The following RPGR variants were observed in gnomAD, a reference collection of about 807,000 sequenced individuals.
RPGR encodes retinitis pigmentosa GTPase regulator.
A neutral mutation model predicts 56.3 loss-of-function variants in RPGR; 10 were observed. The ratio of observed to expected loss-of-function variants is 0.18; its 90% confidence interval spans 0.11 to 0.30. RPGR has a LOEUF of 0.30. Among genes scored for constraint, RPGR ranks in the 10% least tolerant of loss-of-function variants. The pLI is 1.00. For missense variants in RPGR, 538 were observed against 590.9 expected (o/e 0.91, Z 0.93); for synonymous variants, 197 against 212.9 (o/e 0.93, Z 0.65).
In RPGR at chrX:38,269,966, T is replaced by C. The variant is rs571019506; in HGVS notation, c.2242-134A>G. ...TCTTTATGGGGCACCACATGTACTA[T>C]GGTGCATTCTTAGCATCTGTTAGAG... On this transcript the variant is annotated intron_variant, in intron 18 of 18. Coordinates refer to ENST00000642395, the MANE Select transcript of RPGR (RefSeq NM_000328.3). 9.9e-5 allele frequency: 48 copies of C among 485,329 alleles called. No individual in the cohort carries two copies. The South Asian group carries it at 1.5e-3, about 15-fold the overall frequency. The allele number at this position is 485,329 out of a possible 1,213,427, so 40.0% of individuals were successfully genotyped here.
At chrX:38,311,270 C>T (rs5963397) in intron 6 of RPGR, among the ~76,000 whole-genome samples, 2,268 of 112,290 alleles carry the variant, frequency 0.02, 47 homozygotes, top group African/African-American at 0.07. Context: ...GGCACTTCCT[C>T]CAAAGACTCT....
At chrX:38,304,899 C>T (rs760825018) in intron 7 of RPGR, 109 bp from the exon 8 acceptor site, 10 of 658,724 alleles carry the variant, frequency 1.5e-5, no homozygotes, top group Non-Finnish European at 2.4e-5. Flanking sequence ...GGTTAAGTGC[C>T]TCTGGGGAAA....
chrX:38,296,885 A>T (rs1318911876), intron 11 of RPGR, among the ~76,000 whole-genome samples: 1 of 111,695 alleles, frequency 9.0e-6, no homozygotes, highest in Non-Finnish European at 1.9e-5. Context: ...CTGTATTCAA[A>T]TTCTGACCAC....
chrX:38,293,332 T>C (rs1242062540), intron 11 of RPGR, among the ~76,000 whole-genome samples: 1 of 111,675 alleles, frequency 9.0e-6, no homozygotes, highest in Non-Finnish European at 1.9e-5. Flanking sequence ...ACTTTATTTA[T>C]AAAAACAGGT....
At chrX:38,312,379 T>C (rs1347686590) in intron 6 of RPGR, among the ~76,000 whole-genome samples, 2 of 111,400 alleles carry the variant, frequency 1.8e-5, no homozygotes, top group South Asian at 3.8e-4. Context: ...AATTTTCACC[T>C]GGATCAAGTT....
chrX:38,323,517 A>G lies in RPGR; in HGVS notation c.36T>C (p.Gly12=). The G allele has an allele frequency of 8.3e-7, 1 of 1,208,686 alleles. No homozygotes were observed. The highest frequency in any genetic ancestry group is 1.1e-6 in the Non-Finnish European group (1 of 893,790). Residue 12 remains glycine (G), a synonymous_variant, in exon 2 of 19, where the codon GGT becomes GGC. Transcript: ENST00000642395. ...TACTTTTCCCAAATGTAAACACAGCACCCGAATCTGCAAATATAAGACGGT... is the reference window on the plus strand; with the variant it reads ...TACTTTTCCCAAATGTAAACACAGCGCCCGAATCTGCAAATATAAGACGGT...
At position 38,298,970 on chromosome X, in the gene RPGR, G is replaced by C; in HGVS notation, c.1231C>G (p.Arg411Gly). 1 of 1,210,974 alleles carries C rather than the reference G, an allele frequency of 8.3e-7. No homozygotes were observed. The highest frequency in any genetic ancestry group is 1.1e-6 in the Non-Finnish European group (1 of 895,049). Residue 411 changes from arginine to glycine, a missense_variant, in exon 10 of 19, where the codon CGG becomes GGG. By Grantham distance (125) the Arg-to-Gly change is moderately radical. Coordinates refer to ENST00000642395, the MANE Select transcript of RPGR (RefSeq NM_000328.3). ...CACAATTGTACCCTCTCTCTTCGCC[G>C]CATACGTGCTGATAGAGTCCTCTGC... is the stretch of plus-strand genomic sequence containing the variant.
At chrX:38,279,855 A>G (rs930489417) in intron 15 of RPGR, among the ~76,000 whole-genome samples, 3 of 112,085 alleles carry the variant, frequency 2.7e-5, no homozygotes, top group African/African-American at 9.7e-5. Context: ...TTAATATAGC[A>G]TAAAACTTTG....
chrX:38,320,815 T>C (rs771850301), intron 4 of RPGR, among the ~76,000 whole-genome samples: 17 of 112,885 alleles, frequency 1.5e-4, no homozygotes, highest in Admixed American at 8.4e-4. Flanking sequence ...TGTCCCATGA[T>C]AGAATCCAAG....
At chrX:38,292,328 AGTATAAGC>A (rs1395383991) in intron 11 of RPGR, among the ~76,000 whole-genome samples, 1 of 112,820 alleles carries the variant, frequency 8.9e-6, no homozygotes, top group Non-Finnish European at 1.9e-5. Flanking sequence ...ACAGATAACT[AGTATAAGC>A]ACCTAGAACC....
At chrX:38,290,304 C>G (rs1266327401) in intron 13 of RPGR, among the ~76,000 whole-genome samples, 1 of 111,601 alleles carries the variant, frequency 9.0e-6, no homozygotes, top group East Asian at 2.8e-4. Flanking sequence ...TCCTTAAAGC[C>G]AGGAAAAGCA....
intron 13 of RPGR, among the ~76,000 whole-genome samples, chrX:38,289,719 A>AT (rs1318004507): frequency 7.1e-5 from 8 of 112,797 alleles, no homozygotes; most frequent in Non-Finnish European, 1.5e-4. Context: ...AAACTTAAAA[A>AT]GACTATAGAA....
intron 15 of RPGR, chrX:38,285,862 C>A (rs1216941849): frequency 8.3e-7 from 1 of 1,202,860 alleles, no homozygotes; most frequent in Non-Finnish European, 1.1e-6. Flanking sequence ...CTCCTTTTCC[C>A]TTTCTTCTCC....
intron 15 of RPGR, among the ~76,000 whole-genome samples, chrX:38,278,985 T>G (rs1171059000): frequency 8.9e-6 from 1 of 112,741 alleles, no homozygotes; most frequent in Non-Finnish European, 1.9e-5. Context: ...TTTTACTCAT[T>G]AACTTTAAAC....
At chrX:38,271,723 G>A (rs1343874969) in intron 18 of RPGR, among the ~76,000 whole-genome samples, 1 of 111,654 alleles carries the variant, frequency 9.0e-6, no homozygotes, top group Non-Finnish European at 1.9e-5. Context: ...AGGCCTTAAA[G>A]GATTTCCACA....
chrX:38,291,517 A>T, intron 11 of RPGR, 33 bp from the exon 12 acceptor site: 1 of 850,919 alleles, frequency 1.2e-6, no homozygotes, highest in Non-Finnish European at 1.7e-6. Context: ...GGAAATCCAG[A>T]TTTCAACAGA....
intron 6 of RPGR, among the ~76,000 whole-genome samples, chrX:38,313,464 G>C (rs1366334335): frequency 8.9e-6 from 1 of 112,063 alleles, no homozygotes; most frequent in Non-Finnish European, 1.9e-5. Flanking sequence ...CTATGTGATA[G>C]GGTTGTTTCA....
chrX:38,323,955 C>T (rs941665506), intron 1 of RPGR, among the ~76,000 whole-genome samples: 1 of 112,208 alleles, frequency 8.9e-6, no homozygotes, highest in Non-Finnish European at 1.9e-5. Flanking sequence ...ATTTCGTTTC[C>T]TCATTAACAT....
At chrX:38,296,807 C>T (rs1253963286) in intron 11 of RPGR, among the ~76,000 whole-genome samples, 1 of 111,879 alleles carries the variant, frequency 8.9e-6, no homozygotes, top group Non-Finnish European at 1.9e-5. Context: ...AGTTTAACTC[C>T]ATAGTCCATG....
Sources: gnomAD v4.1 joint callset for allele counts (sites outside exome capture counted in the v4.1 genomes callset) on GRCh38, gnomAD v4.1.1 for gene constraint, MANE v1.5 for transcripts, NCBI Gene and HGNC (gene_info 2026-07-23, HGNC 2026-07-21) for gene names.